Variants in ESRRG observed in about 807,000 individuals in gnomAD.
The protein encoded by ESRRG is estrogen-related receptor gamma.
ESRRG carries 13 observed loss-of-function variants against 44.0 expected under a neutral mutation model. That is an observed-to-expected ratio of 0.30 (90% confidence interval 0.19 to 0.47). The LOEUF is 0.47. Among genes scored for constraint, ESRRG ranks in the 20% least tolerant of loss-of-function variants. The pLI, the probability that ESRRG is intolerant of heterozygous loss-of-function variation, is 1.00. For missense variants in ESRRG, 395 were observed against 580.6 expected, an observed-to-expected ratio of 0.68 and a Z score of 3.29; for synonymous variants, 215 against 214.6, an observed-to-expected ratio of 1.00 and a Z score of -0.02.
At chr1:217,122,907 A>C (rs1322374833) in intron 1 of ESRRG, among the ~76,000 whole-genome samples, 2 of 150,868 alleles carry the variant, frequency 1.3e-5, no homozygotes, top group Non-Finnish European at 3.0e-5. Context: ...CTGGTCTCGA[A>C]CTCCCGACCT....
At chr1:217,011,339 CA>C (rs1177414375) in intron 1 of ESRRG, among the ~76,000 whole-genome samples, 1 of 152,184 alleles carries the variant, frequency 6.6e-6, no homozygotes, top group Non-Finnish European at 1.5e-5. Context: ...ATTCAATAAA[CA>C]GGTTTATTGG....
At chr1:216,846,658 A>C (rs949165667) in intron 2 of ESRRG, among the ~76,000 whole-genome samples, 3 of 152,158 alleles carry the variant, frequency 2.0e-5, no homozygotes, top group African/African-American at 4.8e-5. Flanking sequence ...AAAGGGGTGA[A>C]CATTTGTAAC....
chr1:216,609,766 C>T (rs1039648575), intron 3 of ESRRG, among the ~76,000 whole-genome samples: 4 of 152,100 alleles, frequency 2.6e-5, no homozygotes, highest in African/African-American at 7.2e-5. Flanking sequence ...AAATTATTGA[C>T]GCATTAGTTA....
chr1:216,742,024 G>C (rs1057459217), intron 2 of ESRRG, among the ~76,000 whole-genome samples: 20 of 151,996 alleles, frequency 1.3e-4, no homozygotes, highest in African/African-American at 4.8e-4. Context: ...CACTGTTACA[G>C]AACAAAATCA....
chr1:216,535,287 G>A (rs1216760857), intron 5 of ESRRG, among the ~76,000 whole-genome samples: 1 of 152,076 alleles, frequency 6.6e-6, no homozygotes, highest in Non-Finnish European at 1.5e-5. Flanking sequence ...TTGCTAGACT[G>A]GATGATGCTC....
chr1:216,858,376 G>T (rs1382580712), intron 2 of ESRRG, among the ~76,000 whole-genome samples: 1 of 152,088 alleles, frequency 6.6e-6, no homozygotes, highest in Admixed American at 6.6e-5. Flanking sequence ...GGTGGAGCTT[G>T]CAGTGAGCTG....
intron 1 of ESRRG, among the ~76,000 whole-genome samples, chr1:216,948,440 G>A (rs2066418606): frequency 2.2e-5 from 3 of 134,154 alleles, no homozygotes; most frequent in South Asian, 4.7e-4. Context: ...TGGCACTACT[G>A]CACTCCAGCC....
chr1:216,940,760 G>A (rs539132700), intron 1 of ESRRG, among the ~76,000 whole-genome samples: 16 of 152,136 alleles, frequency 1.1e-4, no homozygotes, highest in African/African-American at 3.4e-4. Context: ...TAGCTTTCCC[G>A]CTTTCTTTCA....
chr1:217,006,408 C>G (rs554353813), intron 1 of ESRRG, among the ~76,000 whole-genome samples: 2 of 152,112 alleles, frequency 1.3e-5, no homozygotes. Flanking sequence ...TATAGTAGTA[C>G]ACAATATACT....
At chr1:216,768,492 A>ATCTG (rs1229294464) in intron 2 of ESRRG, among the ~76,000 whole-genome samples, 145 of 132,872 alleles carry the variant, frequency 1.1e-3, no homozygotes, top group Middle Eastern at 4.4e-3. Context: ...CTATCTATCT[A>ATCTG]TCTATCTATA....
intron 1 of ESRRG, among the ~76,000 whole-genome samples, chr1:217,071,850 T>C (rs1206343253): frequency 1.3e-5 from 2 of 152,186 alleles, no homozygotes; most frequent in Non-Finnish European, 2.9e-5. Context: ...GTTCAGTTAC[T>C]TCCCTAGGTC....
At chr1:216,713,705 G>A (rs1220435790) in intron 1 of ESRRG, among the ~76,000 whole-genome samples, 2 of 152,082 alleles carry the variant, frequency 1.3e-5, no homozygotes, top group African/African-American at 4.8e-5. Context: ...ATTTCATCAA[G>A]GTAATAAATC....
At chr1:216,926,790 G>C (rs1180729518) in intron 2 of ESRRG, among the ~76,000 whole-genome samples, 1 of 152,152 alleles carries the variant, frequency 6.6e-6, no homozygotes, top group Non-Finnish European at 1.5e-5. Context: ...TGACAAAAAA[G>C]CCTGGAAGAT....
chr1:217,108,123 T>A (rs915914358), intron 1 of ESRRG, among the ~76,000 whole-genome samples: 7 of 152,160 alleles, frequency 4.6e-5, no homozygotes, highest in Middle Eastern at 3.2e-3. Context: ...TTCTCCTAAT[T>A]CTTGACAACA....
At chr1:216,663,007 T>C (rs1644308410) in intron 2 of ESRRG, among the ~76,000 whole-genome samples, 1 of 152,220 alleles carries the variant, frequency 6.6e-6, no homozygotes, top group Non-Finnish European at 1.5e-5. Context: ...ATTTCCTTTC[T>C]TGCTCACGAC....
intron 2 of ESRRG, among the ~76,000 whole-genome samples, chr1:216,793,215 T>C (rs1408862948): frequency 6.6e-6 from 1 of 152,178 alleles, no homozygotes; most frequent in Non-Finnish European, 1.5e-5. Flanking sequence ...TTTGGATGGA[T>C]GACTGGGGTA....
At chr1:217,091,972 G>A (rs759087319), upstream of ESRRG, among the ~76,000 whole-genome samples, 6 of 152,126 alleles carry the variant, frequency 3.9e-5, no homozygotes, top group African/African-American at 1.4e-4. Flanking sequence ...ATTTTGTTTT[G>A]TTCTTTTCAG....
intron 2 of ESRRG, among the ~76,000 whole-genome samples, chr1:216,791,974 A>AT (rs1298541353): frequency 6.6e-6 from 1 of 152,042 alleles, no homozygotes; most frequent in Non-Finnish European, 1.5e-5. Context: ...CATCAAGTAG[A>AT]TTTTCTCTTT....
At chr1:217,092,228 C>T (rs745834459), upstream of ESRRG, among the ~76,000 whole-genome samples, 15 of 152,116 alleles carry the variant, frequency 9.9e-5, no homozygotes, top group African/African-American at 1.9e-4. Flanking sequence ...CTTTATTTTC[C>T]GGCTTCATCC....
Sources: allele counts gnomAD v4.1 joint callset (sites outside exome capture counted in the v4.1 genomes callset), GRCh38; gene constraint gnomAD v4.1.1; transcripts MANE v1.5; gene names NCBI Gene and HGNC (gene_info 2026-07-23, HGNC 2026-07-21).